VPS13B: variants seen among roughly 807,000 people sequenced by gnomAD.
VPS13B encodes the protein intermembrane lipid transfer protein VPS13B.
VPS13B carries 285 observed loss-of-function variants against 426.4 expected under a neutral mutation model. That is an observed-to-expected ratio of 0.67 (90% CI 0.61 to 0.74). The LOEUF (loss-of-function observed/expected upper bound fraction) is 0.74. Ranked by LOEUF, VPS13B falls within the 30% of genes least tolerant of loss-of-function variation. The pLI is 0.00. For synonymous variants in VPS13B, 1,676 were observed against 1,676.4 expected, an observed-to-expected ratio of 1.00 and a Z score of 0.01; for missense variants, 4,537 against 4,782.6, an observed-to-expected ratio of 0.95 and a Z score of 1.51.
intron 21 of VPS13B, among the ~76,000 whole-genome samples, chr8:99,414,872 T>A (rs914795386): frequency 6.6e-6 from 1 of 151,348 alleles, no homozygotes; most frequent in African/African-American, 2.4e-5. Context: ...ATTTCAACCA[T>A]CATTATGTGT....
intron 54 of VPS13B, among the ~76,000 whole-genome samples, chr8:99,837,884 G>C (rs75750707): frequency 0.031 from 4,753 of 152,258 alleles, 95 homozygotes; most frequent in Non-Finnish European, 0.041. Flanking sequence ...TTTCAAAGCT[G>C]ACCTAAACAA....
Position 99,631,798 on chromosome 8 carries a change from G to T in VPS13B, c.5221-10013G>T, listed in dbSNP as rs182373442. Reference sequence around the variant, plus strand: ...TAAACTTCATGAAGGTAAAAGCTTGGTTTTTTTATATCCTTAGCTAGTGCC... The same window carrying T: ...TAAACTTCATGAAGGTAAAAGCTTGTTTTTTTTATATCCTTAGCTAGTGCC... On this transcript the variant is annotated intron_variant, in intron 33 of 61. Coordinates refer to ENST00000357162, the MANE Select transcript of VPS13B (RefSeq NM_152564.5). Among the ~76,000 whole-genome samples the T allele has an allele frequency of 6.3e-3, 954 of 151,788 alleles. 8 individuals carry two copies. Among genetic ancestry groups the T allele is most frequent in the African/African-American group, 0.021 (889 of 41,410 alleles).
intron 23 of VPS13B, among the ~76,000 whole-genome samples, chr8:99,465,333 T>G (rs758062623): frequency 6.6e-6 from 1 of 152,134 alleles, no homozygotes; most frequent in African/African-American, 2.4e-5. Context: ...AATTTCATCT[T>G]CTAGGTATAG....
chr8:99,492,124 A>G (rs1051144380), intron 25 of VPS13B, among the ~76,000 whole-genome samples: 1 of 152,080 alleles, frequency 6.6e-6, no homozygotes, highest in Admixed American at 6.5e-5. Context: ...CAGGCTCCTC[A>G]GCTGCAGGTC....
chr8:99,632,088 G>A (rs1431723742), intron 33 of VPS13B, among the ~76,000 whole-genome samples: 16 of 151,868 alleles, frequency 1.1e-4, no homozygotes, highest in Admixed American at 1.1e-3. Context: ...AAGTTTTGAA[G>A]TCTAAGAACA....
chr8:99,236,565 G>A (rs13277170), intron 17 of VPS13B, among the ~76,000 whole-genome samples: 1 of 152,094 alleles, frequency 6.6e-6, no homozygotes, highest in East Asian at 1.9e-4. Context: ...ATTTTAATTT[G>A]ATGTAATCTC....
intron 30 of VPS13B, among the ~76,000 whole-genome samples, chr8:99,547,611 T>G (rs953438816): frequency 6.6e-6 from 1 of 152,070 alleles, no homozygotes. Flanking sequence ...TAAATCAATT[T>G]AAAAAGGAAA....
chr8:99,753,994 C>T (rs141551261), intron 39 of VPS13B, among the ~76,000 whole-genome samples: 159 of 151,910 alleles, frequency 1.0e-3, no homozygotes, highest in African/African-American at 3.5e-3. Context: ...AACTTTGTTT[C>T]CCAAGAGTAG....
At chr8:99,746,353 C>G (rs188798037) in intron 39 of VPS13B, among the ~76,000 whole-genome samples, 2 of 152,200 alleles carry the variant, frequency 1.3e-5, no homozygotes, top group Non-Finnish European at 2.9e-5. Context: ...TCTGGCCCAT[C>G]ATTATAAATT....
intron 19 of VPS13B, among the ~76,000 whole-genome samples, chr8:99,377,727 G>A (rs186301888): frequency 1.9e-3 from 284 of 152,234 alleles, no homozygotes; most frequent in Middle Eastern, 0.01. Flanking sequence ...TGGGTGTCTG[G>A]GGGAGACATC....
intron 31 of VPS13B, among the ~76,000 whole-genome samples, chr8:99,573,815 A>G (rs1025161427): frequency 6.6e-6 from 1 of 152,156 alleles, no homozygotes; most frequent in Non-Finnish European, 1.5e-5. Context: ...ACTTTAAAGT[A>G]GTTTTTTCCA....
chr8:99,165,169 C>T (rs1391403316), intron 15 of VPS13B, among the ~76,000 whole-genome samples: 1 of 152,126 alleles, frequency 6.6e-6, no homozygotes, highest in Non-Finnish European at 1.5e-5. Flanking sequence ...ATGTCACATA[C>T]TATCATTTTT....
At chr8:99,704,971 G>A (rs1563873218) in intron 36 of VPS13B, among the ~76,000 whole-genome samples, 1 of 152,124 alleles carries the variant, frequency 6.6e-6, no homozygotes, top group East Asian at 1.9e-4. Flanking sequence ...AGGTAGAGGT[G>A]CGTTTATGGT....
intron 19 of VPS13B, among the ~76,000 whole-genome samples, chr8:99,367,875 A>G (rs2030433875): frequency 6.6e-6 from 1 of 152,110 alleles, no homozygotes; most frequent in South Asian, 2.1e-4. Context: ...GCTGGTTTCG[A>G]GCTCCTGACC....
intron 17 of VPS13B, among the ~76,000 whole-genome samples, chr8:99,240,607 T>C (rs1218052290): frequency 1.3e-5 from 2 of 152,188 alleles, no homozygotes; most frequent in Non-Finnish European, 2.9e-5. Flanking sequence ...TTACAACAAT[T>C]TCCAAACATT....
At chr8:99,334,042 C>T (rs1287597073) in intron 19 of VPS13B, among the ~76,000 whole-genome samples, 1 of 151,660 alleles carries the variant, frequency 6.6e-6, no homozygotes, top group Non-Finnish European at 1.5e-5. Context: ...TTTTACAAGC[C>T]TTTTGTGGAC....
intron 30 of VPS13B, among the ~76,000 whole-genome samples, chr8:99,540,055 A>G (rs1188548199): frequency 0.017 from 96 of 5,706 alleles, 1 homozygote; most frequent in Non-Finnish European, 0.026. Context: ...ATATATATAT[A>G]TATATATATT....
chr8:99,507,071 T>C (rs1351406692), intron 27 of VPS13B, 66 bp from the exon 28 acceptor site: 3 of 1,539,470 alleles, frequency 1.9e-6, no homozygotes, highest in Admixed American at 1.7e-5. Flanking sequence ...GAAATAGTTA[T>C]GTATGTTCAA....
chr8:99,164,407 G>A (rs1466092620), intron 15 of VPS13B, among the ~76,000 whole-genome samples: 1 of 152,042 alleles, frequency 6.6e-6, no homozygotes, highest in Non-Finnish European at 1.5e-5. Context: ...TCCCTGACTG[G>A]TTAGTGTAAA....
Sources: allele counts gnomAD v4.1 joint callset (sites outside exome capture counted in the v4.1 genomes callset), GRCh38; gene constraint gnomAD v4.1.1; transcripts MANE v1.5; gene names NCBI Gene and HGNC (gene_info 2026-07-23, HGNC 2026-07-21).